TSPAN13: variants seen among roughly 807,000 people sequenced by gnomAD.
TSPAN13 encodes the protein tetraspanin-13.
A neutral mutation model predicts 26.9 loss-of-function variants in TSPAN13; 18 were observed. The ratio of observed to expected loss-of-function variants is 0.67; its 90% CI spans 0.46 to 0.99. The LOEUF is 0.99. Among genes scored for constraint, TSPAN13 ranks in the 50% least tolerant of loss-of-function variants. The pLI, the probability that TSPAN13 is intolerant of heterozygous loss-of-function variation, is 0.00. For missense variants in TSPAN13, 201 were observed against 249.6 expected (o/e 0.81, Z 1.31); for synonymous variants, 116 against 98.4 (o/e 1.18, Z -1.06).
At chr7:16,760,815 G>T (rs527897674) in intron 1 of TSPAN13, among the ~76,000 whole-genome samples, 6 of 152,064 alleles carry the variant, frequency 3.9e-5, no homozygotes, top group Admixed American at 6.5e-5. Flanking sequence ...GTTGGTTCTC[G>T]AATTTGTCAG....
intron 1 of TSPAN13, among the ~76,000 whole-genome samples, chr7:16,763,595 C>A (rs1784572251): frequency 1.3e-5 from 2 of 152,196 alleles, no homozygotes; most frequent in Admixed American, 1.3e-4. Context: ...GTCCTTATAC[C>A]TTGCTAGGTC....
intron 1 of TSPAN13, 26 bp from the exon 2 acceptor site, chr7:16,776,185 C>T (rs1416042319): frequency 4.3e-6 from 7 of 1,610,728 alleles, no homozygotes; most frequent in African/African-American, 1.3e-5. Context: ...TCGTCCTCTA[C>T]CCCTGCCCCC....
intron 1 of TSPAN13, among the ~76,000 whole-genome samples, chr7:16,754,438 A>G (rs1281128756): frequency 6.6e-6 from 1 of 152,176 alleles, no homozygotes; most frequent in African/African-American, 2.4e-5. Context: ...GCTTGCGGAC[A>G]GTTTTGCGGA....
In TSPAN13 at chr7:16,753,856, T is replaced by C; in HGVS notation, c.-112T>C. The C allele has an allele frequency of 4.2e-6, 5 of 1,184,812 alleles. No homozygotes were observed. The highest frequency in any genetic ancestry group is 2.3e-4 in the Middle Eastern group (1 of 4,308). The allele number at this position is 1,184,812 out of a possible 1,614,324, so 73.4% of individuals were successfully genotyped here. A position where few individuals can be genotyped will look rare whatever the true frequency, so the allele number is the denominator to read the frequency against. ...CAGGCCCCGGCCCCCCACCCACGTC[T>C]GCGTTGCTGCCCCGCCTGGGCCAGG... is the stretch of plus-strand genomic sequence containing the variant. On this transcript the variant is annotated 5_prime_UTR_variant, in exon 1 of 6. Coordinates refer to ENST00000262067, the MANE Select transcript of TSPAN13 (RefSeq NM_014399.4).
chr7:16,778,244 C>T (rs181358494), intron 4 of TSPAN13, among the ~76,000 whole-genome samples: 6 of 152,320 alleles, frequency 3.9e-5, no homozygotes, highest in Non-Finnish European at 4.4e-5. Flanking sequence ...CTCCTGTTAT[C>T]ACATCTCTGA....
intron 1 of TSPAN13, among the ~76,000 whole-genome samples, chr7:16,765,188 G>A (rs1296875902): frequency 6.6e-6 from 1 of 151,996 alleles, no homozygotes; most frequent in Non-Finnish European, 1.5e-5. Context: ...CTGCAACCTT[G>A]ACCTCCTGGG....
rs756100471 is a variant in TSPAN13 at position 16,777,033 on chromosome 7, A to G, written c.232-9A>G. ...ATATTTAGAAGTATCCTTAACTTCTAACTCTCAGTATATGATTATTCTGTT... is the reference window on the plus strand; with the variant it reads ...ATATTTAGAAGTATCCTTAACTTCTGACTCTCAGTATATGATTATTCTGTT... On this transcript the variant is annotated splice_polypyrimidine_tract_variant and intron_variant, in intron 2 of 5. Transcript: ENST00000262067. The G allele has an allele frequency of 1.3e-5, 21 of 1,586,958 alleles. No individual in the cohort carries two copies. In the South Asian group the frequency reaches 1.6e-4, roughly 12 times the overall value.
intron 5 of TSPAN13, among the ~76,000 whole-genome samples, chr7:16,781,676 C>A (rs1475624517): frequency 6.6e-6 from 1 of 152,098 alleles, no homozygotes; most frequent in East Asian, 1.9e-4. Context: ...GCTTTCTTCC[C>A]CCAAGGACTG....
chr7:16,754,281 A>G (rs370315241), intron 1 of TSPAN13, among the ~76,000 whole-genome samples: 1 of 151,972 alleles, frequency 6.6e-6, no homozygotes, highest in African/African-American at 2.4e-5. Context: ...TCTCTGCCAC[A>G]TTGCTCCACC....
intron 1 of TSPAN13, among the ~76,000 whole-genome samples, chr7:16,758,827 C>T (rs1784511321): frequency 6.6e-6 from 1 of 151,262 alleles, no homozygotes; most frequent in Non-Finnish European, 1.5e-5. Flanking sequence ...TTGAATGAAT[C>T]TACTTCCTGT....
chr7:16,753,977 G>T lies in TSPAN13; in HGVS notation c.10G>T (p.Gly4Trp), dbSNP rs1196605347. 2 of 1,613,156 alleles carry T rather than the reference G, an allele frequency of 1.2e-6. No homozygotes were observed. Among genetic ancestry groups the T allele is most frequent in the Non-Finnish European group, 1.7e-6 (2 of 1,179,590 alleles). Residue 4 changes from glycine to tryptophan, a missense_variant, in exon 1 of 6, where the codon GGG (glycine) becomes TGG (tryptophan). Gly to Trp is a radical substitution (Grantham distance 184). Transcript: ENST00000262067. MVC[G>W]GFACSKNCLC... ...AACCACAGGTTCCAAGATGGTTTGC[G>T]GGGGCTTCGCGTGTTCCAAGAACTG... is the stretch of plus-strand genomic sequence containing the variant.
intron 1 of TSPAN13, among the ~76,000 whole-genome samples, chr7:16,763,454 T>A (rs546238407): frequency 1.2e-4 from 18 of 152,282 alleles, no homozygotes; most frequent in African/African-American, 4.1e-4. Flanking sequence ...GGTCATAAGG[T>A]TTTGCTGGAT....
At chr7:16,761,024 C>T (rs182561423) in intron 1 of TSPAN13, among the ~76,000 whole-genome samples, 5 of 152,250 alleles carry the variant, frequency 3.3e-5, no homozygotes, top group Admixed American at 3.3e-4. Context: ...CCCAGAAATG[C>T]TCCAAAGAAG....
chr7:16,759,809 C>G (rs1218300575), intron 1 of TSPAN13, among the ~76,000 whole-genome samples: 3 of 151,820 alleles, frequency 2.0e-5, no homozygotes, highest in African/African-American at 7.3e-5. Context: ...CCACATCAGC[C>G]TACCTAGTAG....
rs1382796892 is a variant in TSPAN13 at position 16,779,063 on chromosome 7, G to A, written c.487G>A (p.Gly163Arg). 3.1e-6 allele frequency: 5 copies of A among 1,614,086 alleles called. No homozygotes were observed. Among genetic ancestry groups the A allele is most frequent in the Non-Finnish European group, 4.2e-6 (5 of 1,179,984 alleles). Residue 163 changes from glycine (G) to arginine (R), a missense_variant, in exon 5 of 6, where the codon GGA becomes AGA. Transcript: ENST00000262067. ...PCAPIIGEYA[G>R]EVLRFVGGIG... ...TGCTCCAATCATAGGAGAATATGCT[G>A]GAGAGGTTTTGAGATTTGTTGGTGG... is the stretch of plus-strand genomic sequence containing the variant.
rs755917655 is a variant in TSPAN13, at chr7:16,761,715, G to A, written c.63+7685G>A. Among the ~76,000 whole-genome samples, 128 of 19,316 alleles carry A rather than the reference G, an allele frequency of 6.6e-3. 1 individual carries two copies. Among genetic ancestry groups the A allele is most frequent in the Middle Eastern group, 0.029 (1 of 34 alleles). 12.7% of individuals were successfully genotyped at this position (19,316 alleles called of 152,430 possible). On this transcript the variant is annotated intron_variant, in intron 1 of 5. Coordinates refer to ENST00000262067, the MANE Select transcript of TSPAN13 (RefSeq NM_014399.4). ...ATTTTTTTTTTTTTTTTTTTTTTTT[G>A]TAGAGACAGGGGTCTTGCTGTGTTG...
In TSPAN13 at chr7:16,783,761, T is replaced by G; in HGVS notation, c.*270T>G. On this transcript the variant is annotated 3_prime_UTR_variant, in exon 6 of 6. Coordinates refer to ENST00000262067, the MANE Select transcript of TSPAN13 (RefSeq NM_014399.4). ...GGGCACTGTCCACTGTGGCCTTTCTTAGCATTTTTACCTGCAGAAAAACTT... is the reference window on the plus strand; with the variant it reads ...GGGCACTGTCCACTGTGGCCTTTCTGAGCATTTTTACCTGCAGAAAAACTT... 1 of 452,504 alleles carries G rather than the reference T, an allele frequency of 2.2e-6. No individual in the cohort carries two copies. Among genetic ancestry groups the G allele is most frequent in the South Asian group, 3.1e-5 (1 of 31,906 alleles). 28.0% of individuals were successfully genotyped at this position (452,504 alleles called of 1,614,324 possible).
intron 1 of TSPAN13, among the ~76,000 whole-genome samples, chr7:16,763,928 C>T (rs1279438297): frequency 6.6e-6 from 1 of 152,256 alleles, no homozygotes; most frequent in Non-Finnish European, 1.5e-5. Context: ...ATTTCTTCAT[C>T]ATCTGCAAGT....
intron 1 of TSPAN13, among the ~76,000 whole-genome samples, chr7:16,754,684 A>G (rs1036421017): frequency 1.3e-5 from 2 of 152,062 alleles, no homozygotes; most frequent in African/African-American, 2.4e-5. Flanking sequence ...TCCTAACTCC[A>G]TTTTAAACCA....
Sources: allele counts gnomAD v4.1 joint callset (sites outside exome capture counted in the v4.1 genomes callset), GRCh38; gene constraint gnomAD v4.1.1; transcripts MANE v1.5; gene names NCBI Gene and HGNC (gene_info 2026-07-23, HGNC 2026-07-21).